PCDHGA5: variants seen among roughly 807,000 people sequenced by gnomAD.
PCDHGA5 encodes the protein protocadherin gamma subfamily A, 5, also known as protocadherin gamma-A5.
PCDHGA5 carries 36 observed loss-of-function variants against 56.7 expected under a neutral mutation model. That is an observed-to-expected ratio of 0.64 (90% CI 0.49 to 0.84). The LOEUF (loss-of-function observed/expected upper bound fraction) is 0.84. Among genes scored for constraint, PCDHGA5 ranks in the 40% least tolerant of loss-of-function variants. The pLI is 0.00. For synonymous variants in PCDHGA5, 563 were observed against 520.2 expected (o/e 1.08, Z -1.12); for missense variants, 1,305 against 1,201.5 (o/e 1.09, Z -1.27).
intron 1 of PCDHGA5, chr5:141,393,329 C>T: frequency 6.2e-7 from 1 of 1,611,240 alleles, no homozygotes; most frequent in South Asian, 1.1e-5. Flanking sequence ...GCTACCAGCT[C>T]AGCCCCAATC....
chr5:141,387,088 C>T (rs2090815090), intron 1 of PCDHGA5, among the ~76,000 whole-genome samples: 2 of 152,074 alleles, frequency 1.3e-5, no homozygotes, highest in Non-Finnish European at 1.5e-5. Context: ...CTGTGATCAT[C>T]GAAATGAGAA....
At position 141,511,106 on chromosome 5, in the gene PCDHGA5, G is replaced by T. The variant is rs536900646; in HGVS notation, c.2729G>T (p.Arg910Leu). ...NATLTNAAGK[R>L]DGKAPAGGNG... is the part of the protein sequence containing the mutation. Reference sequence around the variant, plus strand: ...ACACTGACCAACGCAGCTGGCAAGCGGGATGGCAAGGCCCCAGCAGGTGGC... The same window carrying T: ...ACACTGACCAACGCAGCTGGCAAGCTGGATGGCAAGGCCCCAGCAGGTGGC... Residue 910 changes from arginine to leucine, a missense_variant, in exon 4 of 4, where the codon CGG becomes CTG. Transcript: ENST00000518069. 8.7e-6 allele frequency: 14 copies of T among 1,614,196 alleles called. No individual in the cohort carries two copies. Among genetic ancestry groups the T allele is most frequent in the Non-Finnish European group, 1.2e-5 (14 of 1,180,016 alleles).
chr5:141,408,131 G>C, intron 1 of PCDHGA5: 1 of 1,482,338 alleles, frequency 6.7e-7, no homozygotes, highest in South Asian at 1.4e-5. Flanking sequence ...TGGGCCGAAT[G>C]CTCTTTTAGC....
intron 3 of PCDHGA5, among the ~76,000 whole-genome samples, 188 bp from the exon 4 acceptor site, chr5:141,510,759 G>A (rs1026623444): frequency 6.6e-5 from 10 of 152,172 alleles, no homozygotes; most frequent in African/African-American, 2.4e-4. Context: ...TCTCACTCCA[G>A]AGCCTCTTAA....
chr5:141,419,398 G>A (rs2096375486), intron 1 of PCDHGA5: 7 of 1,613,572 alleles, frequency 4.3e-6, no homozygotes, highest in Non-Finnish European at 5.1e-6. Flanking sequence ...AGAGCGGGGT[G>A]GTGTTCGCGC....
intron 1 of PCDHGA5, among the ~76,000 whole-genome samples, chr5:141,462,763 G>A (rs935087747): frequency 2.6e-5 from 4 of 152,036 alleles, no homozygotes; most frequent in Non-Finnish European, 4.4e-5. Context: ...TTTTCTTCCT[G>A]GCTTGGGGTC....
intron 1 of PCDHGA5, chr5:141,408,283 C>A: frequency 6.2e-7 from 1 of 1,612,756 alleles, no homozygotes; most frequent in Non-Finnish European, 8.5e-7. Context: ...TGTTCTACCC[C>A]ACCCTGAGTG....
intron 2 of PCDHGA5, among the ~76,000 whole-genome samples, chr5:141,498,004 G>C (rs1385457484): frequency 6.6e-6 from 1 of 152,316 alleles, no homozygotes; most frequent in African/African-American, 2.4e-5. Flanking sequence ...GGAGTTTACA[G>C]TGCACTGAAG....
chr5:141,462,202 C>T (rs188546035), intron 1 of PCDHGA5, among the ~76,000 whole-genome samples: 1,522 of 152,002 alleles, frequency 0.01, 33 homozygotes, highest in African/African-American at 0.034. Flanking sequence ...TCAGGTGATC[C>T]GCCTGCCTCG....
intron 1 of PCDHGA5, among the ~76,000 whole-genome samples, chr5:141,456,703 G>T (rs528071544): frequency 1.3e-5 from 2 of 152,062 alleles, no homozygotes; most frequent in Non-Finnish European, 2.9e-5. Context: ...GGTGGCTCGC[G>T]CCTGTAATCC....
chr5:141,483,730 T>G (rs999201456), intron 1 of PCDHGA5, among the ~76,000 whole-genome samples: 1 of 152,014 alleles, frequency 6.6e-6, no homozygotes, highest in Non-Finnish European at 1.5e-5. Flanking sequence ...CCCACCATAG[T>G]CAAAAGGATA....
intron 1 of PCDHGA5, chr5:141,392,857 T>C: frequency 5.0e-6 from 8 of 1,612,536 alleles, no homozygotes; most frequent in Non-Finnish European, 6.8e-6. Flanking sequence ...GAGCTGATCC[T>C]GCTGTGCGCG....
At chr5:141,388,414 A>G in intron 1 of PCDHGA5, 2 of 1,613,970 alleles carry the variant, frequency 1.2e-6, no homozygotes, top group Non-Finnish European at 1.7e-6. Context: ...CCCAGTGATC[A>G]TTTCTCACTG....
At chr5:141,440,732 A>C (rs2154559008) in intron 1 of PCDHGA5, 1 of 152,346 alleles carries the variant, frequency 6.6e-6, no homozygotes, top group African/African-American at 2.4e-5. Context: ...GTGTTAGAGA[A>C]GCTGCTTGAC....
Position 141,493,760 on chromosome 5 carries a change from G to C in PCDHGA5, c.2422-1047G>C, listed in dbSNP as rs1268832909. On this transcript the variant is annotated intron_variant, in intron 1 of 3. Coordinates refer to ENST00000518069, the MANE Select transcript of PCDHGA5 (RefSeq NM_018918.3). The surrounding 1 kb of genome is among the most constrained non-coding windows in gnomAD (Gnocchi z 4.3). ...ACTGCCACCTGTGAGCCTTGAGTGA[G>C]CCACTGGCAGTTCCGGAGCTTCCTT... Among the ~76,000 whole-genome samples, 1 of 152,166 alleles carries C rather than the reference G, an allele frequency of 6.6e-6. No individual in the cohort carries two copies. The highest frequency in any genetic ancestry group is 1.5e-5 in the Non-Finnish European group (1 of 68,022).
chr5:141,481,085 A>T (rs1200522212), intron 1 of PCDHGA5, among the ~76,000 whole-genome samples: 1 of 152,192 alleles, frequency 6.6e-6, no homozygotes, highest in African/African-American at 2.4e-5. Flanking sequence ...AAGAAAAAAG[A>T]AAAGCAGTAC....
chr5:141,466,206 T>C (rs2099118813), intron 1 of PCDHGA5, among the ~76,000 whole-genome samples: 1 of 152,126 alleles, frequency 6.6e-6, no homozygotes, highest in Admixed American at 6.5e-5. Flanking sequence ...AGCCTTGCTC[T>C]GTTACCCAGG....
At position 141,418,763 on chromosome 5, in the gene PCDHGA5, C is replaced by G. The variant is rs914122527; in HGVS notation, c.2421+52012C>G. The stretch of plus-strand genomic sequence containing the variant: ...TCTGGATTACACTACAGGAAACATT[C>G]TAACTCAGCAGCCTTTGGATTTTGA... On this transcript the variant is annotated intron_variant, in intron 1 of 3. Coordinates refer to ENST00000518069, the MANE Select transcript of PCDHGA5 (RefSeq NM_018918.3). 5 of 1,613,728 alleles carry G rather than the reference C, an allele frequency of 3.1e-6. No homozygotes were observed. The Admixed American group carries it at 5.0e-5, about 16-fold the overall frequency.
intron 2 of PCDHGA5, among the ~76,000 whole-genome samples, chr5:141,500,881 T>G (rs940387787): frequency 1.0e-5 from 1 of 99,136 alleles, no homozygotes; most frequent in Non-Finnish European, 1.9e-5. Context: ...TTTACAATTT[T>G]TTTTTTTTGA....
Sources: allele counts gnomAD v4.1 joint callset (sites outside exome capture counted in the v4.1 genomes callset), GRCh38; gene constraint gnomAD v4.1.1; non-coding constraint Gnocchi (gnomAD v3.1); transcripts MANE v1.5; gene names NCBI Gene and HGNC (gene_info 2026-07-23, HGNC 2026-07-21).